The following GABRB3 variants were observed in gnomAD, a reference collection of about 807,000 sequenced individuals.
The protein encoded by GABRB3 is gamma-aminobutyric acid type A receptor subunit beta3, also known as gamma-aminobutyric acid receptor subunit beta-3.
In GABRB3, 14 loss-of-function variants were observed where a neutral mutation model predicts 52.1. The ratio of observed to expected loss-of-function variants is 0.27; its 90% CI spans 0.18 to 0.42. The LOEUF (loss-of-function observed/expected upper bound fraction) is 0.42, where lower values mean the gene tolerates loss of function less well. Among genes scored for constraint, GABRB3 ranks in the 10% least tolerant of loss-of-function variants. The pLI, the probability that GABRB3 is intolerant of heterozygous loss-of-function variation, is 1.00. For missense variants in GABRB3, 307 were observed against 609.1 expected (o/e 0.50, Z 5.22); for synonymous variants, 260 against 232.3 (o/e 1.12, Z -1.08).
intron 3 of GABRB3, among the ~76,000 whole-genome samples, chr15:26,746,286 T>C (rs1276915403): frequency 1.3e-5 from 2 of 152,170 alleles, no homozygotes; most frequent in Non-Finnish European, 2.9e-5. Flanking sequence ...AGTGCATATG[T>C]TTTGCCCATT....
At chr15:26,615,238 G>A in intron 4 of GABRB3, 14 of 965,526 alleles carry the variant, frequency 1.4e-5, no homozygotes, top group Non-Finnish European at 1.7e-5. Context: ...AGGACCATTA[G>A]TCTCTTAGTC....
chr15:26,565,464 A>G (rs1231061695), intron 7 of GABRB3, among the ~76,000 whole-genome samples: 2 of 152,132 alleles, frequency 1.3e-5, no homozygotes, highest in African/African-American at 4.8e-5. Flanking sequence ...CTTGCCTCCC[A>G]GAGCACAAGC....
intron 6 of GABRB3, among the ~76,000 whole-genome samples, chr15:26,576,399 C>T (rs936108963): frequency 1.3e-5 from 2 of 152,034 alleles, no homozygotes; most frequent in African/African-American, 2.4e-5. Context: ...TTCTTTTTTA[C>T]GCTCATGTAT....
intron 3 of GABRB3, among the ~76,000 whole-genome samples, chr15:26,690,267 C>T (rs1385923447): frequency 1.3e-5 from 2 of 151,918 alleles, no homozygotes; most frequent in Non-Finnish European, 2.9e-5. Flanking sequence ...TTTGTAGTGA[C>T]AGGGTCTCAC....
At chr15:26,622,307 G>A (rs749208190) in intron 3 of GABRB3, among the ~76,000 whole-genome samples, 2 of 152,154 alleles carry the variant, frequency 1.3e-5, no homozygotes, top group South Asian at 2.1e-4. Flanking sequence ...TTAGTTTATC[G>A]AGAACAAAGT....
chr15:26,746,823 T>TA (rs1404302606), intron 3 of GABRB3, among the ~76,000 whole-genome samples: 1 of 151,918 alleles, frequency 6.6e-6, no homozygotes, highest in Non-Finnish European at 1.5e-5. Flanking sequence ...CCATCTCTAC[T>TA]AAAAATACAA....
intron 3 of GABRB3, chr15:26,624,110 G>T: frequency 1.2e-6 from 1 of 819,668 alleles, no homozygotes; most frequent in Non-Finnish European, 1.5e-6. Context: ...GGTGGGTAAA[G>T]CAAAGGCCTG....
intron 3 of GABRB3, among the ~76,000 whole-genome samples, chr15:26,674,420 AAG>A (rs1887999956): frequency 7.8e-6 from 1 of 128,444 alleles, no homozygotes; most frequent in African/African-American, 2.8e-5. Flanking sequence ...AAAAAAAAAA[AAG>A]AAAAGAAAAG....
At chr15:26,586,721 C>A (rs7175575) in intron 4 of GABRB3, among the ~76,000 whole-genome samples, 145,180 of 146,050 alleles carry the variant, frequency 0.99, 72,160 homozygotes, top group East Asian at 1. Flanking sequence ...AGAGAGAAAG[C>A]GAAGAAGGAA....
At chr15:26,697,283 T>C (rs1324240318) in intron 3 of GABRB3, among the ~76,000 whole-genome samples, 1 of 152,230 alleles carries the variant, frequency 6.6e-6, no homozygotes, top group African/African-American at 2.4e-5. Context: ...ATTAAAATAA[T>C]GTGATTTTCC....
At chr15:26,554,144 G>GTATATATATATATATATAAAGTA (rs547570760) in intron 8 of GABRB3, among the ~76,000 whole-genome samples, 3,699 of 32,106 alleles carry the variant, frequency 0.12, 496 homozygotes, top group Middle Eastern at 0.18. Flanking sequence ...TATATATAAA[G>GTATATATATATATATATAAAGTA]TATATATATA....
chr15:26,572,109 G>A (rs1266636498), intron 6 of GABRB3, among the ~76,000 whole-genome samples: 2 of 151,132 alleles, frequency 1.3e-5, no homozygotes, highest in African/African-American at 2.4e-5. Flanking sequence ...TCCGGTATCC[G>A]GCGCATGCCC....
At chr15:26,670,780 T>C (rs1403459666) in intron 3 of GABRB3, among the ~76,000 whole-genome samples, 1 of 152,256 alleles carries the variant, frequency 6.6e-6, no homozygotes, top group African/African-American at 2.4e-5. Flanking sequence ...AATTTAAAAC[T>C]CGCTTTTCCT....
intron 3 of GABRB3, among the ~76,000 whole-genome samples, chr15:26,651,370 G>A (rs936825416): frequency 1.3e-5 from 2 of 152,328 alleles, no homozygotes; most frequent in East Asian, 3.9e-4. Context: ...GAAGAATACT[G>A]CATCAATTTA....
intron 4 of GABRB3, among the ~76,000 whole-genome samples, chr15:26,586,271 A>G (rs1426821992): frequency 6.6e-6 from 1 of 151,996 alleles, no homozygotes; most frequent in Non-Finnish European, 1.5e-5. Flanking sequence ...TGCTGGGATT[A>G]CAGGCGTGAG....
chr15:26,600,362 T>C (rs1040910867), intron 4 of GABRB3, among the ~76,000 whole-genome samples: 6 of 151,826 alleles, frequency 4.0e-5, no homozygotes, highest in Admixed American at 6.6e-5. Context: ...AATCTAGTAA[T>C]AGATACAGAA....
intron 4 of GABRB3, chr15:26,590,361 T>C (rs1891149723): frequency 6.6e-6 from 1 of 152,182 alleles, no homozygotes; most frequent in South Asian, 2.1e-4. Context: ...GTTGTATTTG[T>C]GGCCACGGGT....
intron 3 of GABRB3, among the ~76,000 whole-genome samples, chr15:26,713,824 G>A (rs1164779378): frequency 6.6e-6 from 1 of 152,218 alleles, no homozygotes; most frequent in Non-Finnish European, 1.5e-5. Context: ...CTGCAGGTGT[G>A]CTGTACCTCA....
Position 26,679,497 on chromosome 15 carries a change from C to T in GABRB3, c.241-57963G>A, listed in dbSNP as rs75057691. Among the ~76,000 whole-genome samples the T allele has an allele frequency of 7.6e-3, 1,153 of 152,254 alleles. 18 individuals are homozygous for T. The highest frequency in any genetic ancestry group is 0.026 in the African/African-American group (1,092 of 41,548). On this transcript the variant is annotated intron_variant, in intron 3 of 8. Coordinates refer to ENST00000311550, the MANE Select transcript of GABRB3 (RefSeq NM_000814.6). Reference sequence around the variant, plus strand: ...CATTCACATCACAAACCCAGATGCTCGTCCCTACCTCACCCCACCTCCCTA... The same window carrying T: ...CATTCACATCACAAACCCAGATGCTTGTCCCTACCTCACCCCACCTCCCTA...
Sources: allele counts gnomAD v4.1 joint callset (sites outside exome capture counted in the v4.1 genomes callset), GRCh38; gene constraint gnomAD v4.1.1; transcripts MANE v1.5; gene names NCBI Gene and HGNC (gene_info 2026-07-23, HGNC 2026-07-21).